Variants in ENTREP2 observed in about 807,000 individuals in gnomAD.
The protein encoded by ENTREP2 is protein ENTREP2.
chr15:29,651,605 A>T, the ENTREP2 span, among the ~76,000 whole-genome samples: 1 of 152,222 alleles, frequency 6.6e-6, no homozygotes. Flanking sequence ...CCACAGGCTC[A>T]GGAGTCTCTG....
the ENTREP2 span, chr15:29,570,552 T>C: frequency 8.2e-6 from 12 of 1,459,826 alleles, no homozygotes; most frequent in Non-Finnish European, 1.1e-5. Flanking sequence ...CGGGCCGAGG[T>C]GGTGAGCGCC....
At chr15:29,150,967 TACAC>T in the ENTREP2 span, among the ~76,000 whole-genome samples, 20 of 151,868 alleles carry the variant, frequency 1.3e-4, no homozygotes, top group Middle Eastern at 3.4e-3. Flanking sequence ...CACACACTCA[TACAC>T]ACACACACGC....
the ENTREP2 span, among the ~76,000 whole-genome samples, chr15:29,345,298 T>C: frequency 6.6e-6 from 1 of 152,168 alleles, no homozygotes; most frequent in Non-Finnish European, 1.5e-5. Context: ...TCGTGACCCT[T>C]AGGCCTTTCA....
the ENTREP2 span, chr15:29,252,486 C>CT: frequency 6.7e-7 from 1 of 1,497,964 alleles, no homozygotes; most frequent in Non-Finnish European, 9.1e-7. Context: ...TATCTGGAAA[C>CT]AAACCAAACA....
At chr15:29,571,042 G>C in the ENTREP2 span, among the ~76,000 whole-genome samples, 1 of 146,786 alleles carries the variant, frequency 6.8e-6, no homozygotes, top group South Asian at 2.1e-4. Context: ...CGCTGCTGCC[G>C]TACCGGGCGC....
At chr15:29,256,073 A>G in the ENTREP2 span, among the ~76,000 whole-genome samples, 103 of 152,128 alleles carry the variant, frequency 6.8e-4, no homozygotes, top group Middle Eastern at 0.01. Context: ...TCCATATTAT[A>G]TGAATTAACA....
At chr15:29,128,109 T>A in the ENTREP2 span, among the ~76,000 whole-genome samples, 3 of 152,164 alleles carry the variant, frequency 2.0e-5, no homozygotes, top group East Asian at 5.8e-4. Flanking sequence ...CTCTGTGGGA[T>A]CACATGAGTT....
chr15:29,156,332 C>T, the ENTREP2 span, among the ~76,000 whole-genome samples: 1 of 151,936 alleles, frequency 6.6e-6, no homozygotes, highest in Non-Finnish European at 1.5e-5. Flanking sequence ...CTACAGGTGC[C>T]CGCCACCATG....
At chr15:29,185,674 G>A in the ENTREP2 span, among the ~76,000 whole-genome samples, 39 of 152,236 alleles carry the variant, frequency 2.6e-4, no homozygotes, top group East Asian at 3.1e-3. Flanking sequence ...CGATTCTCCT[G>A]CCTCAGCCTC....
chr15:29,450,187 A>G, the ENTREP2 span, among the ~76,000 whole-genome samples: 1 of 152,082 alleles, frequency 6.6e-6, no homozygotes, highest in African/African-American at 2.4e-5. Flanking sequence ...ATTTTCTCCC[A>G]TCCTGTAGGC....
At chr15:29,292,270 TTTTC>T in the ENTREP2 span, among the ~76,000 whole-genome samples, 2 of 152,174 alleles carry the variant, frequency 1.3e-5, no homozygotes, top group African/African-American at 4.8e-5. Flanking sequence ...TTTTCTTTTC[TTTTC>T]TTTCTCTCTT....
chr15:29,541,899 C>A, the ENTREP2 span, among the ~76,000 whole-genome samples: 2 of 152,208 alleles, frequency 1.3e-5, no homozygotes, highest in Admixed American at 6.5e-5. Flanking sequence ...ACAGGTCTTT[C>A]TTCTTCCAAA....
chr15:29,174,944 A>G, the ENTREP2 span, among the ~76,000 whole-genome samples: 1 of 152,228 alleles, frequency 6.6e-6, no homozygotes, highest in South Asian at 2.1e-4. Context: ...GTGGTTTATC[A>G]ATTTTCAAAG....
the ENTREP2 span, among the ~76,000 whole-genome samples, chr15:29,544,101 A>G: frequency 6.6e-6 from 1 of 152,218 alleles, no homozygotes; most frequent in Non-Finnish European, 1.5e-5. Context: ...CCATACATGT[A>G]AATATAAAAA....
At chr15:29,202,953 C>CATGT in the ENTREP2 span, among the ~76,000 whole-genome samples, 2 of 152,314 alleles carry the variant, frequency 1.3e-5, no homozygotes, top group Admixed American at 6.5e-5. Flanking sequence ...CATACATGTG[C>CATGT]ATGTGTCTTT....
chr15:29,142,743 C>T, the ENTREP2 span, among the ~76,000 whole-genome samples: 3 of 152,236 alleles, frequency 2.0e-5, no homozygotes, highest in East Asian at 5.8e-4. Context: ...AGTTAATAAG[C>T]GCATGCCTAA....
At chr15:29,636,558 A>G in the ENTREP2 span, among the ~76,000 whole-genome samples, 2 of 152,222 alleles carry the variant, frequency 1.3e-5, no homozygotes, top group Non-Finnish European at 2.9e-5. Flanking sequence ...CTACACAGCA[A>G]TATTATGCCA....
chr15:29,148,916 G>A, the ENTREP2 span, among the ~76,000 whole-genome samples: 3 of 149,158 alleles, frequency 2.0e-5, no homozygotes, highest in South Asian at 4.2e-4. Context: ...TCGCTCTGTC[G>A]CCCAGGCTGT....
the ENTREP2 span, among the ~76,000 whole-genome samples, chr15:29,597,393 A>AC: frequency 6.6e-6 from 1 of 151,778 alleles, no homozygotes; most frequent in African/African-American, 2.4e-5. Flanking sequence ...ACATGGAGAA[A>AC]CCCCATCTCT....
Sources: allele counts gnomAD v4.1 joint callset (sites outside exome capture counted in the v4.1 genomes callset), GRCh38; gene constraint gnomAD v4.1.1; transcripts MANE v1.5; gene names NCBI Gene and HGNC (gene_info 2026-07-23, HGNC 2026-07-21).